The following SGCD variants were observed in gnomAD, a reference collection of about 807,000 sequenced individuals.
SGCD encodes the protein sarcoglycan delta.
A neutral mutation model predicts 36.6 loss-of-function variants in SGCD; 18 were observed. The observed-to-expected ratio is 0.49, with a 90% CI of 0.34 to 0.73. The LOEUF (loss-of-function observed/expected upper bound fraction) is 0.73. SGCD is among the 30% of genes least tolerant of loss of function. SGCD has a pLI of 0.01. For missense variants in SGCD, 387 were observed against 346.7 expected (o/e 1.12, Z -0.92); for synonymous variants, 133 against 130.6 (o/e 1.02, Z -0.12).
chr5:156,412,827 C>CG, intron 3 of SGCD, among the ~76,000 whole-genome samples: 1 of 133,710 alleles, frequency 7.5e-6, no homozygotes, highest in South Asian at 2.3e-4. Context: ...CTCGCTCTGT[C>CG]GCCCAGGCCG....
intron 6 of SGCD, among the ~76,000 whole-genome samples, chr5:156,601,259 T>C (rs1761179837): frequency 6.6e-6 from 1 of 152,206 alleles, no homozygotes; most frequent in East Asian, 1.9e-4. Flanking sequence ...TCTAGTATTG[T>C]AGTTTTGGGT....
At chr5:156,097,095 T>C (rs1307145728) in intron 1 of SGCD, among the ~76,000 whole-genome samples, 1 of 152,130 alleles carries the variant, frequency 6.6e-6, no homozygotes, top group African/African-American at 2.4e-5. Context: ...CTGTATGGAA[T>C]GCATCATTTC....
At position 156,592,017 on chromosome 5, in the gene SGCD, T is replaced by C. The variant is rs543424212; in HGVS notation, c.382+2699T>C. The stretch of plus-strand genomic sequence containing the variant: ...TTCTGTGAAGCCCTGAAAAGCAAGA[T>C]AGCTTAATTGTACTTTGTGTTCTCT... On this transcript the variant is annotated intron_variant, in intron 5 of 8. Coordinates refer to ENST00000337851, the MANE Select transcript of SGCD (RefSeq NM_000337.6). Among the ~76,000 whole-genome samples, 3 of 152,288 alleles carry C rather than the reference T, an allele frequency of 2.0e-5. No individual in the cohort carries two copies. The East Asian group carries it at 5.8e-4, about 29-fold the overall frequency.
At chr5:155,959,112 A>G (rs1230465287) in intron 1 of SGCD, among the ~76,000 whole-genome samples, 1 of 152,194 alleles carries the variant, frequency 6.6e-6, no homozygotes, top group African/African-American at 2.4e-5. Flanking sequence ...ATTACAAACT[A>G]GAATCTTATG....
intron 7 of SGCD, among the ~76,000 whole-genome samples, chr5:156,677,029 A>G (rs1033770955): frequency 6.6e-6 from 1 of 152,156 alleles, no homozygotes; most frequent in East Asian, 1.9e-4. Flanking sequence ...AATATTATCT[A>G]TTTAAACTTC....
chr5:155,908,101 C>A (rs1756559077), intron 1 of SGCD, among the ~76,000 whole-genome samples: 1 of 152,110 alleles, frequency 6.6e-6, no homozygotes, highest in Admixed American at 6.6e-5. Flanking sequence ...TGATCATTAG[C>A]AATTACTAAC....
At chr5:156,312,927 T>G (rs1046138238) in intron 3 of SGCD, among the ~76,000 whole-genome samples, 21 of 152,152 alleles carry the variant, frequency 1.4e-4, no homozygotes, top group Non-Finnish European at 2.5e-4. Context: ...ATTCGTTTAT[T>G]TTTTAACTAA....
At chr5:156,480,169 C>T (rs1022972039) in intron 3 of SGCD, among the ~76,000 whole-genome samples, 1 of 152,198 alleles carries the variant, frequency 6.6e-6, no homozygotes, top group Non-Finnish European at 1.5e-5. Flanking sequence ...CTGAACTTAC[C>T]TGTATGAGTA....
chr5:156,598,206 T>G (rs925927016), intron 6 of SGCD, among the ~76,000 whole-genome samples: 102 of 152,196 alleles, frequency 6.7e-4, no homozygotes, highest in Non-Finnish European at 2.4e-4. Flanking sequence ...AATTCTTGGC[T>G]GGTGTGGAGG....
At chr5:156,387,830 C>A (rs549143073) in intron 3 of SGCD, among the ~76,000 whole-genome samples, 1 of 152,108 alleles carries the variant, frequency 6.6e-6, no homozygotes, top group Non-Finnish European at 1.5e-5. Flanking sequence ...ATATACAAGA[C>A]GGTGCAGGAC....
At chr5:156,582,676 A>G (rs1760321632) in intron 4 of SGCD, among the ~76,000 whole-genome samples, 1 of 152,232 alleles carries the variant, frequency 6.6e-6, no homozygotes, top group South Asian at 2.1e-4. Flanking sequence ...AAGCTTGACT[A>G]GCAAATTAGA....
At chr5:156,216,984 A>G (rs929189953) in intron 3 of SGCD, among the ~76,000 whole-genome samples, 6 of 152,244 alleles carry the variant, frequency 3.9e-5, no homozygotes, top group Non-Finnish European at 7.3e-5. Flanking sequence ...AGGTTGAGGC[A>G]GGAGAAACAC....
intron 3 of SGCD, among the ~76,000 whole-genome samples, chr5:156,471,682 A>G (rs1754969597): frequency 6.6e-6 from 1 of 152,130 alleles, no homozygotes. Flanking sequence ...TAAAAGCTAA[A>G]ACTATTAAAC....
chr5:156,468,425 A>G (rs572829328), intron 3 of SGCD, among the ~76,000 whole-genome samples: 2 of 152,080 alleles, frequency 1.3e-5, no homozygotes, highest in Non-Finnish European at 2.9e-5. Context: ...AAGTCCTTAT[A>G]TCATTGATTG....
At chr5:155,913,985 A>G (rs1756686559) in intron 1 of SGCD, among the ~76,000 whole-genome samples, 1 of 152,212 alleles carries the variant, frequency 6.6e-6, no homozygotes, top group Non-Finnish European at 1.5e-5. Context: ...TTGAGCATAA[A>G]ACACATAAAA....
At chr5:156,668,016 A>T (rs1280431548) in intron 7 of SGCD, among the ~76,000 whole-genome samples, 1 of 152,230 alleles carries the variant, frequency 6.6e-6, no homozygotes, top group Admixed American at 6.5e-5. Context: ...AATAACACAC[A>T]GTTCCATAAA....
intron 3 of SGCD, among the ~76,000 whole-genome samples, chr5:156,401,096 C>T (rs1221905721): frequency 1.3e-5 from 2 of 152,124 alleles, no homozygotes; most frequent in African/African-American, 4.8e-5. Flanking sequence ...ATCTGGGAAG[C>T]AAGACATACA....
intron 4 of SGCD, among the ~76,000 whole-genome samples, chr5:156,544,623 A>C (rs974234045): frequency 6.6e-6 from 1 of 152,144 alleles, no homozygotes; most frequent in Non-Finnish European, 1.5e-5. Flanking sequence ...AATTAAAAAA[A>C]AAAAAAACTC....
intron 4 of SGCD, among the ~76,000 whole-genome samples, chr5:156,549,930 A>G (rs1374414806): frequency 1.3e-5 from 2 of 152,238 alleles, no homozygotes; most frequent in Non-Finnish European, 2.9e-5. Context: ...TTATCAACAT[A>G]AAAATAATAA....
Sources: gnomAD v4.1 joint callset for allele counts (sites outside exome capture counted in the v4.1 genomes callset) on GRCh38, gnomAD v4.1.1 for gene constraint, MANE v1.5 for transcripts, NCBI Gene and HGNC (gene_info 2026-07-23, HGNC 2026-07-21) for gene names.